SLC17A9: variants seen among roughly 807,000 people sequenced by gnomAD.
The protein encoded by SLC17A9 is solute carrier family 17 member 9.
In SLC17A9, 49 loss-of-function variants were observed where a neutral mutation model predicts 55.0. That is an observed-to-expected ratio of 0.89 (90% CI 0.71 to 1.13). The LOEUF (loss-of-function observed/expected upper bound fraction) is 1.13. SLC17A9 is among the 50% of genes most tolerant of loss of function. The probability of loss-of-function intolerance (pLI) is 0.00; values close to 1 mark genes in which losing one functional copy is unlikely to be tolerated. For synonymous variants in SLC17A9, 256 were observed against 247.4 expected, an observed-to-expected ratio of 1.03 and a Z score of -0.32; for missense variants, 526 against 569.3, an observed-to-expected ratio of 0.92 and a Z score of 0.77.
chr20:62,964,148 C>T lies in SLC17A9; in HGVS notation c.823-80C>T, dbSNP rs767045826. The T allele has an allele frequency of 1.6e-4, 227 of 1,418,542 alleles. 1 individual carries two copies. The highest frequency in any genetic ancestry group is 2.2e-4 in the Non-Finnish European group (222 of 1,003,148). The allele number at this position is 1,418,542 out of a possible 1,614,324, so 87.9% of individuals were successfully genotyped here. A position where few individuals can be genotyped will look rare whatever the true frequency, so the allele number is the denominator to read the frequency against. The stretch of plus-strand genomic sequence containing the variant: ...TCCTGGGCAGTGGTGGGCACGGGGG[C>T]GCTGTCCAGCCTGAGTATCCTCTTC... On this transcript the variant is annotated intron_variant, in intron 7 of 12. Transcript: ENST00000370351.
In SLC17A9 at chr20:62,966,558, G is replaced by A. The variant is rs756409472; in HGVS notation, c.1095G>A (p.Pro365=). 6.2e-6 allele frequency: 10 copies of A among 1,612,356 alleles called. No homozygotes were observed. The highest frequency in any genetic ancestry group is 8.5e-6 in the Non-Finnish European group (10 of 1,179,528). ...CTGTTAACATCCAGGACTTGGCCCCGTCCTGCGCCGGCTTTCTGTTTGGTG... is the reference window on the plus strand; with the variant it reads ...CTGTTAACATCCAGGACTTGGCCCCATCCTGCGCCGGCTTTCTGTTTGGTG... The part of the protein sequence containing the change: ...GISVNIQDLA[P]SCAGFLFGVA... The change falls in exon 11 of 13, where the codon CCG becomes CCA. Residue 365 remains proline, a synonymous_variant. Transcript: ENST00000370351.
chr20:62,959,964 A>G (rs2065575169), intron 3 of SLC17A9, among the ~76,000 whole-genome samples: 1 of 152,234 alleles, frequency 6.6e-6, no homozygotes, highest in Admixed American at 6.5e-5. Flanking sequence ...ACTTGGTCCA[A>G]AAGAAATCCT....
rs1161369145 is a variant in SLC17A9, at chr20:62,962,658, C to T, written c.532C>T (p.Leu178=). 2 of 1,614,094 alleles carry T rather than the reference C, an allele frequency of 1.2e-6. No individual in the cohort carries two copies. Among genetic ancestry groups the T allele is most frequent in the South Asian group, 2.2e-5 (2 of 91,076 alleles). ...LLTGAVGSLL[L]EWYGWQSIFY... ...GACCGGGGCGGTGGGCTCCCTGCTC[C>T]TGGAATGGTACGGCTGGCAGAGCAT... Residue 178 remains leucine (L), a synonymous_variant, in exon 5 of 13, where the codon CTG becomes TTG. Transcript: ENST00000370351. This position sits in a 1 kb window ranked among gnomAD's most constrained non-coding sequence, Gnocchi z 5.5.
intron 7 of SLC17A9, chr20:62,963,946 C>A: frequency 1.7e-6 from 1 of 595,904 alleles, no homozygotes; most frequent in Non-Finnish European, 3.0e-6. Context: ...TCGTGACCTG[C>A]TGGCCCACAG....
rs1156512255 is a variant in SLC17A9 at position 62,963,262 on chromosome 20, T to G, written c.629-11T>G. ...CTGATAGCCATCAGTTTGAAACCGTTGCTCCCTCAGATCTCATCCTGGCCT... is the reference window on the plus strand; with the variant it reads ...CTGATAGCCATCAGTTTGAAACCGTGGCTCCCTCAGATCTCATCCTGGCCT... On this transcript the variant is annotated splice_polypyrimidine_tract_variant and intron_variant, in intron 5 of 12. Coordinates refer to ENST00000370351, the MANE Select transcript of SLC17A9 (RefSeq NM_022082.4). 9 of 1,612,930 alleles carry G rather than the reference T, an allele frequency of 5.6e-6. No homozygotes were observed. The highest frequency in any genetic ancestry group is 3.3e-4 in the Middle Eastern group (2 of 6,062).
At chr20:62,963,044 C>T (rs1206541493) in intron 5 of SLC17A9, 2 of 634,928 alleles carry the variant, frequency 3.1e-6, no homozygotes. Context: ...GGCCAGGGGG[C>T]TCTGGAGGAG....
At position 62,968,978 on chromosome 20, in the gene SLC17A9, AC is replaced by A. The variant is rs2065662130; in HGVS notation, c.*1481del. On this transcript the variant is annotated 3_prime_UTR_variant, in exon 13 of 13. Transcript: ENST00000370351. ...AATCTCTCCAGTTTCGGTCAGCCCA[AC>A]CCTGTGGCACCATGGGTACAGCCTA... is the stretch of plus-strand genomic sequence containing the variant. The A allele has an allele frequency of 3.3e-5, 5 of 152,392 alleles. No individual in the cohort carries two copies. The South Asian group carries it at 1.0e-3, about 32-fold the overall frequency. The allele number at this position is 152,392 out of a possible 1,614,324, so 9.4% of individuals were successfully genotyped here.
chr20:62,965,595 G>A lies in SLC17A9; in HGVS notation c.946-15G>A. ...GGGCTGGGTGCCTCTCCGTCACGGT[G>A]GCGCTTTCCTGCAGGGCATGGGCCT... On this transcript the variant is annotated splice_polypyrimidine_tract_variant and intron_variant, in intron 9 of 12. Coordinates refer to ENST00000370351, the MANE Select transcript of SLC17A9 (RefSeq NM_022082.4). The A allele has an allele frequency of 6.2e-7, 1 of 1,609,118 alleles. No individual in the cohort carries two copies. The highest frequency in any genetic ancestry group is 1.1e-5 in the South Asian group (1 of 91,008).
intron 2 of SLC17A9, 86 bp from the exon 3 acceptor site, chr20:62,957,355 C>A: frequency 1.3e-6 from 2 of 1,508,430 alleles, no homozygotes; most frequent in East Asian, 2.3e-5. Context: ...CAGCTCTGAG[C>A]ACCCACTCAA....
At chr20:62,954,398 T>C (rs559413907) in intron 1 of SLC17A9, among the ~76,000 whole-genome samples, 1 of 152,344 alleles carries the variant, frequency 6.6e-6, no homozygotes, top group African/African-American at 2.4e-5. Flanking sequence ...TTCCCTTTTC[T>C]GAATGGAGGG....
intron 8 of SLC17A9, among the ~76,000 whole-genome samples, chr20:62,964,631 G>T (rs1375822094): frequency 6.6e-6 from 1 of 152,188 alleles, no homozygotes; most frequent in African/African-American, 2.4e-5. Context: ...TGTTCCATGT[G>T]CTCCAGACCC....
intron 10 of SLC17A9, 65 bp downstream of exon 10, chr20:62,965,790 T>G: frequency 2.1e-6 from 3 of 1,452,834 alleles, no homozygotes; most frequent in Non-Finnish European, 2.9e-6. Flanking sequence ...CCCGCACATG[T>G]GAAGAGGGAG....
chr20:62,958,601 C>G lies in SLC17A9; in HGVS notation c.397+1021C>G, dbSNP rs547152409. 7.6e-4 allele frequency among the ~76,000 whole-genome samples: 115 copies of G among 152,182 alleles called. No homozygotes were observed. Among genetic ancestry groups the G allele is most frequent in the Non-Finnish European group, 1.5e-3 (105 of 67,958 alleles). On this transcript the variant is annotated intron_variant, in intron 3 of 12. Coordinates refer to ENST00000370351, the MANE Select transcript of SLC17A9 (RefSeq NM_022082.4). The surrounding 1 kb of genome is among the most constrained non-coding windows in gnomAD (Gnocchi z 4.1). ...AGTGTCCTGGGCCATCCAGACCCCC[C>G]ACTCAGGACTCCCCCTACCTTCCTG...
At position 62,967,580 on chromosome 20, in the gene SLC17A9, C is replaced by A; in HGVS notation, c.*80C>A. The A allele has an allele frequency of 1.4e-6, 2 of 1,448,892 alleles. No individual in the cohort carries two copies. The highest frequency in any genetic ancestry group is 1.3e-5 in the South Asian group (1 of 77,582). The allele number at this position is 1,448,892 out of a possible 1,614,324, so 89.8% of individuals were successfully genotyped here. ...GGGGACTCAGTGTGTGGGACTTGGT[C>A]ACTCCATGTCAGACACACGAGCAGA... On this transcript the variant is annotated 3_prime_UTR_variant, in exon 13 of 13. Transcript: ENST00000370351.
intron 12 of SLC17A9, 173 bp downstream of exon 12, chr20:62,966,905 C>T (rs1306100264): frequency 3.9e-6 from 3 of 761,446 alleles, no homozygotes; most frequent in East Asian, 5.6e-5. Context: ...CCAGGTTCCA[C>T]TGGACTTTGC....
At chr20:62,963,440 G>C in intron 6 of SLC17A9, 71 bp downstream of exon 6, 1 of 1,541,220 alleles carries the variant, frequency 6.5e-7, no homozygotes, top group Non-Finnish European at 8.9e-7. Flanking sequence ...GAACCTGGCC[G>C]GACCTGACAG....
intron 1 of SLC17A9, 34 bp downstream of exon 1, chr20:62,952,923 C>A (rs1409124128): frequency 1.4e-6 from 2 of 1,379,432 alleles, no homozygotes; most frequent in South Asian, 1.4e-5. Flanking sequence ...GGGGTGGGAG[C>A]GGTGGAGATG....
chr20:62,953,422 C>G lies in SLC17A9; in HGVS notation c.59+533C>G, dbSNP rs532206484. On this transcript the variant is annotated intron_variant, in intron 1 of 12. Coordinates refer to ENST00000370351, the MANE Select transcript of SLC17A9 (RefSeq NM_022082.4). ...GAGAAGCAGGGCCTGGGCAGGTCGC[C>G]TGGCCACCAGCACTGCTGCCTGTAG... 5 of 968,006 alleles carry G rather than the reference C, an allele frequency of 5.2e-6. No individual in the cohort carries two copies. In the East Asian group the frequency reaches 1.1e-4, roughly 21 times the overall value. The allele number at this position is 968,006 out of a possible 1,614,324, so 60.0% of individuals were successfully genotyped here.
chr20:62,964,078 G>C (rs775861366), intron 7 of SLC17A9, 150 bp from the exon 8 acceptor site: 45 of 780,922 alleles, frequency 5.8e-5, no homozygotes, highest in South Asian at 1.9e-4. Context: ...TGGTGGTCAA[G>C]AGCTGCACAT....
Sources: allele counts gnomAD v4.1 joint callset (sites outside exome capture counted in the v4.1 genomes callset), GRCh38; gene constraint gnomAD v4.1.1; non-coding constraint Gnocchi (gnomAD v3.1); transcripts MANE v1.5; gene names NCBI Gene and HGNC (gene_info 2026-07-23, HGNC 2026-07-21).